Variants in LINGO2 observed in about 807,000 individuals in gnomAD.
The protein encoded by LINGO2 is leucine-rich repeat and immunoglobulin-like domain-containing nogo receptor-interacting protein 2.
LINGO2 carries 14 observed loss-of-function variants against 30.6 expected under a neutral mutation model. The ratio of observed to expected loss-of-function variants is 0.46; its 90% CI spans 0.30 to 0.72. The LOEUF (loss-of-function observed/expected upper bound fraction) is 0.72. Ranked by LOEUF, LINGO2 falls within the 30% of genes least tolerant of loss-of-function variation. The pLI is 0.07. For missense variants in LINGO2, 729 were observed against 751.7 expected (o/e 0.97, Z 0.35); for synonymous variants, 317 against 288.5 (o/e 1.10, Z -1.00).
intron 5 of LINGO2, among the ~76,000 whole-genome samples, chr9:27,975,759 G>A (rs1012561220): frequency 6.6e-6 from 1 of 152,078 alleles, no homozygotes; most frequent in East Asian, 1.9e-4. Context: ...TGAAAGTTCT[G>A]AAAGGCTGCA....
At chr9:28,464,119 T>C (rs1825199109) in intron 2 of LINGO2, among the ~76,000 whole-genome samples, 2 of 152,178 alleles carry the variant, frequency 1.3e-5, no homozygotes, top group South Asian at 4.1e-4. Context: ...TTGTAGTCTA[T>C]GGTATGAATT....
chr9:28,162,874 G>T (rs567726719), intron 4 of LINGO2, among the ~76,000 whole-genome samples: 1 of 152,222 alleles, frequency 6.6e-6, no homozygotes, highest in South Asian at 2.1e-4. Flanking sequence ...GTAGAGATAT[G>T]TAGGGTAAGA....
chr9:28,067,747 G>A (rs955872822), intron 4 of LINGO2, among the ~76,000 whole-genome samples: 6 of 152,224 alleles, frequency 3.9e-5, no homozygotes, highest in African/African-American at 7.2e-5. Context: ...TGCTGCTACC[G>A]ATAATATCTC....
intron 4 of LINGO2, among the ~76,000 whole-genome samples, chr9:28,270,888 A>G (rs1822915630): frequency 6.6e-6 from 1 of 152,174 alleles, no homozygotes; most frequent in South Asian, 2.1e-4. Context: ...TGAGATTCAG[A>G]GAGACTAAAT....
At chr9:28,445,534 T>G (rs1587686055) in intron 2 of LINGO2, among the ~76,000 whole-genome samples, 1 of 152,248 alleles carries the variant, frequency 6.6e-6, no homozygotes, top group Non-Finnish European at 1.5e-5. Flanking sequence ...AGTGTCACCA[T>G]CTATAGTGGT....
At chr9:28,682,152 G>T in the LINGO2 span, among the ~76,000 whole-genome samples, 12 of 152,218 alleles carry the variant, frequency 7.9e-5, 1 homozygote, top group East Asian at 2.3e-3. Context: ...GATCCTATAT[G>T]CTGCCCTTTA....
the LINGO2 span, among the ~76,000 whole-genome samples, chr9:29,054,991 G>C: frequency 2.6e-5 from 4 of 152,160 alleles, no homozygotes; most frequent in Non-Finnish European, 4.4e-5. Context: ...GGCCGAGGCA[G>C]GTGGATCACC....
At chr9:29,132,742 A>AATCC in the LINGO2 span, among the ~76,000 whole-genome samples, 1 of 152,194 alleles carries the variant, frequency 6.6e-6, no homozygotes, top group African/African-American at 2.4e-5. Flanking sequence ...TAGTCAAGAC[A>AATCC]ATCCACCCGT....
intron 5 of LINGO2, among the ~76,000 whole-genome samples, chr9:28,011,682 C>T (rs1229910389): frequency 6.6e-6 from 1 of 152,148 alleles, no homozygotes; most frequent in Non-Finnish European, 1.5e-5. Flanking sequence ...GCTTCATGAC[C>T]ATAGGGATTG....
chr9:28,956,833 A>T, the LINGO2 span, among the ~76,000 whole-genome samples: 5 of 146,990 alleles, frequency 3.4e-5, no homozygotes, highest in African/African-American at 1.3e-4. Flanking sequence ...TACTTAACAT[A>T]ATAAAGATTC....
intron 5 of LINGO2, among the ~76,000 whole-genome samples, chr9:27,996,649 G>T (rs112682542): frequency 6.6e-6 from 1 of 152,136 alleles, no homozygotes; most frequent in African/African-American, 2.4e-5. Context: ...GTTAGTTAAT[G>T]GGTAATACAG....
chr9:28,008,004 A>AC (rs1822352483), intron 5 of LINGO2, among the ~76,000 whole-genome samples: 1 of 152,158 alleles, frequency 6.6e-6, no homozygotes, highest in South Asian at 2.1e-4. Context: ...GGTGAAGATG[A>AC]CCAGCGCATG....
intron 1 of LINGO2, among the ~76,000 whole-genome samples, chr9:28,522,713 C>G (rs1820871467): frequency 6.6e-6 from 1 of 151,898 alleles, no homozygotes; most frequent in African/African-American, 2.4e-5. Flanking sequence ...ATTGCAGATT[C>G]TTAAAAATTC....
intron 4 of LINGO2, among the ~76,000 whole-genome samples, chr9:28,270,691 C>G (rs1361605257): frequency 2.0e-5 from 3 of 152,064 alleles, no homozygotes; most frequent in Admixed American, 2.0e-4. Context: ...ACTAGTTCTT[C>G]CTGAATCGAA....
chr9:28,923,797 C>T, the LINGO2 span, among the ~76,000 whole-genome samples: 111,494 of 152,050 alleles, frequency 0.73, 41,090 homozygotes, highest in Non-Finnish European at 0.78. Context: ...CTCAGAGCTA[C>T]TCTATAAAAT....
In LINGO2 at chr9:28,496,822, C is replaced by T. The variant is rs535344948; in HGVS notation, c.-364-20797G>A. ...CAGTTGTTCCTTTCCATGTTTAGTG[C>T]TTCCTTCAGGAGCTCTTGTAGGGCA... is the stretch of plus-strand genomic sequence containing the variant. On this transcript the variant is annotated intron_variant, in intron 1 of 5. Coordinates refer to ENST00000379992, the Ensembl canonical transcript of LINGO2. Among the ~76,000 whole-genome samples the T allele has an allele frequency of 3.7e-3, 569 of 152,208 alleles. 4 individuals are homozygous for T. Among genetic ancestry groups the T allele is most frequent in the African/African-American group, 0.013 (528 of 41,510 alleles).
At chr9:28,133,403 TAGACATTCATG>T (rs1333800963) in intron 4 of LINGO2, among the ~76,000 whole-genome samples, 2 of 152,144 alleles carry the variant, frequency 1.3e-5, no homozygotes, top group Admixed American at 6.5e-5. Context: ...GGGATCCTAT[TAGACATTCATG>T]TAGAGCTGTC....
intron 5 of LINGO2, among the ~76,000 whole-genome samples, chr9:27,987,118 C>A (rs965467762): frequency 1.3e-5 from 2 of 151,868 alleles, no homozygotes; most frequent in African/African-American, 2.4e-5. Context: ...AGCTAAAAAA[C>A]CAACCTTCAA....
chr9:28,550,254 C>A (rs568836859), intron 1 of LINGO2, among the ~76,000 whole-genome samples: 35 of 151,780 alleles, frequency 2.3e-4, no homozygotes, highest in Admixed American at 5.9e-4. Flanking sequence ...CACATGGGAT[C>A]TTTTCATTCT....
Sources: gnomAD v4.1 joint callset for allele counts (sites outside exome capture counted in the v4.1 genomes callset) on GRCh38, gnomAD v4.1.1 for gene constraint, MANE v1.5 for transcripts, NCBI Gene and HGNC (gene_info 2026-07-23, HGNC 2026-07-21) for gene names.